SIPA1L3: variants seen among roughly 807,000 people sequenced by gnomAD.
The protein encoded by SIPA1L3 is signal-induced proliferation-associated 1-like protein 3.
SIPA1L3 carries 59 observed loss-of-function variants against 150.1 expected under a neutral mutation model. That is an observed-to-expected ratio of 0.39 (90% CI 0.32 to 0.49). The LOEUF is 0.49. Among genes scored for constraint, SIPA1L3 ranks in the 20% least tolerant of loss-of-function variants. The pLI, the probability that SIPA1L3 is intolerant of heterozygous loss-of-function variation, is 0.86. For synonymous variants in SIPA1L3, 1,070 were observed against 1,077.6 expected (o/e 0.99, Z 0.14); for missense variants, 2,211 against 2,489.5 (o/e 0.89, Z 2.38).
At chr19:37,977,079 CA>C (rs1967094251) in intron 1 of SIPA1L3, among the ~76,000 whole-genome samples, 1 of 151,942 alleles carries the variant, frequency 6.6e-6, no homozygotes, top group Admixed American at 6.6e-5. Flanking sequence ...TCAAGCAGTC[CA>C]CCCACCTGAG....
intron 3 of SIPA1L3, among the ~76,000 whole-genome samples, chr19:38,088,360 G>A (rs561810515): frequency 2.6e-5 from 4 of 152,252 alleles, no homozygotes; most frequent in African/African-American, 7.2e-5. Context: ...GGGATTAATC[G>A]CAGTGATGCT....
intron 13 of SIPA1L3, among the ~76,000 whole-genome samples, chr19:38,161,211 C>T (rs994675050): frequency 1.3e-5 from 2 of 149,662 alleles, no homozygotes; most frequent in Admixed American, 6.7e-5. Flanking sequence ...GCGTGGTGGC[C>T]AGTGCCTGTA....
rs564583626 is a variant in SIPA1L3 at position 37,965,374 on chromosome 19, G to T, written c.-379+58016G>T. Among the ~76,000 whole-genome samples, 10 of 147,040 alleles carry T rather than the reference G, an allele frequency of 6.8e-5. No homozygotes were observed. In the East Asian group the frequency reaches 2.0e-3, roughly 29 times the overall value. Reference sequence around the variant, plus strand: ...CTCTGTTGGCAGGCTGGAGTGCAGTGGCACAATCTTGGCTCACTGTGACCT... The same window carrying T: ...CTCTGTTGGCAGGCTGGAGTGCAGTTGCACAATCTTGGCTCACTGTGACCT... On this transcript the variant is annotated intron_variant, in intron 1 of 21. Coordinates refer to ENST00000222345, the MANE Select transcript of SIPA1L3 (RefSeq NM_015073.3).
chr19:37,970,158 A>G (rs1966897339), intron 1 of SIPA1L3, among the ~76,000 whole-genome samples: 1 of 152,220 alleles, frequency 6.6e-6, no homozygotes, highest in South Asian at 2.1e-4. Flanking sequence ...TCTGGCCGGA[A>G]GTTTTTAAAA....
Position 38,119,357 on chromosome 19 carries a change from C to G in SIPA1L3, c.2343C>G (p.Pro781=). Reference sequence around the variant, plus strand: ...CTCCTCCTTTCGGCCCCCCCATCCCCAGTGGAACCACATTCCGCAAATCCG... The same window carrying G: ...CTCCTCCTTTCGGCCCCCCCATCCCGAGTGGAACCACATTCCGCAAATCCG... ...KDAPPFGPPI[P]SGTTFRKSDV... Residue 781 remains proline, a synonymous_variant, in exon 9 of 22, where the codon CCC becomes CCG. Coordinates refer to ENST00000222345, the MANE Select transcript of SIPA1L3 (RefSeq NM_015073.3). 6.2e-7 allele frequency: 1 copy of G among 1,614,200 alleles called. No individual in the cohort carries two copies. The highest frequency in any genetic ancestry group is 8.5e-7 in the Non-Finnish European group (1 of 1,180,040).
chr19:37,976,198 T>G (rs999485640), intron 1 of SIPA1L3, among the ~76,000 whole-genome samples: 87 of 151,940 alleles, frequency 5.7e-4, no homozygotes, highest in African/African-American at 2.1e-3. Flanking sequence ...ACAGGAGTGT[T>G]CCACCAAACA....
At chr19:38,136,605 A>G (rs983549828) in intron 10 of SIPA1L3, among the ~76,000 whole-genome samples, 1 of 152,134 alleles carries the variant, frequency 6.6e-6, no homozygotes, top group African/African-American at 2.4e-5. Flanking sequence ...CTCCGTCTCA[A>G]AAAAAAATTT....
chr19:37,919,705 CTTTTTT>C (rs10644508), intron 1 of SIPA1L3, among the ~76,000 whole-genome samples: 16 of 84,256 alleles, frequency 1.9e-4, no homozygotes, highest in African/African-American at 8.0e-4. Context: ...GGCCCTGAGG[CTTTTTT>C]TTTTTTTTTT....
rs755041685 is a variant in SIPA1L3 at position 38,152,861 on chromosome 19, C to G, written c.3555C>G (p.Pro1185=). The change falls in exon 13 of 22, where the codon CCC becomes CCG. Residue 1185 remains proline, a synonymous_variant. Coordinates refer to ENST00000222345, the MANE Select transcript of SIPA1L3 (RefSeq NM_015073.3). ...GCAGGTACACGGCTGCCCCACACCCCCTGCTATCTCTTGATCCCCACTTCA... is the reference window on the plus strand; with the variant it reads ...GCAGGTACACGGCTGCCCCACACCCGCTGCTATCTCTTGATCCCCACTTCA... ...SPERYTAAPH[P]LLSLDPHFSH... The G allele has an allele frequency of 9.3e-6, 15 of 1,613,010 alleles. 1 individual carries two copies. The highest frequency in any genetic ancestry group is 5.5e-5 in the South Asian group (5 of 90,724).
chr19:38,015,451 C>T (rs940739620), intron 1 of SIPA1L3, among the ~76,000 whole-genome samples: 1 of 151,964 alleles, frequency 6.6e-6, no homozygotes, highest in East Asian at 1.9e-4. Context: ...TGGCCAGGTA[C>T]GGTGACTCAT....
At chr19:37,973,499 T>C (rs1568484910) in intron 1 of SIPA1L3, among the ~76,000 whole-genome samples, 1 of 119,490 alleles carries the variant, frequency 8.4e-6, no homozygotes, top group African/African-American at 3.3e-5. Context: ...TCTCCCAAAG[T>C]GCTGGGATTA....
At chr19:38,166,075 T>A (rs534096231) in intron 15 of SIPA1L3, among the ~76,000 whole-genome samples, 7 of 152,076 alleles carry the variant, frequency 4.6e-5, no homozygotes, top group African/African-American at 1.7e-4. Flanking sequence ...GAATATGCAT[T>A]AAGTTCTCAG....
At chr19:38,171,086 A>T (rs935225778) in intron 15 of SIPA1L3, among the ~76,000 whole-genome samples, 12 of 152,276 alleles carry the variant, frequency 7.9e-5, no homozygotes, top group African/African-American at 2.9e-4. Context: ...CTCATTCAGA[A>T]GAATGTATAT....
At chr19:37,923,234 G>A (rs572276534) in intron 1 of SIPA1L3, among the ~76,000 whole-genome samples, 2 of 152,248 alleles carry the variant, frequency 1.3e-5, no homozygotes, top group South Asian at 2.1e-4. Context: ...AAGCAGTCAC[G>A]CATGGCTTCA....
chr19:38,206,197 G>A lies in SIPA1L3; in HGVS notation c.5303G>A (p.Arg1768His), dbSNP rs140621640. The change falls in exon 22 of 22, where the codon CGC (arginine) becomes CAC (histidine). Residue 1768 changes from arginine to histidine, a missense_variant. Arg to His is a conservative substitution (Grantham distance 29, BLOSUM62 0). Coordinates refer to ENST00000222345, the MANE Select transcript of SIPA1L3 (RefSeq NM_015073.3). The stretch of plus-strand genomic sequence containing the variant: ...TCGCAGGCCGCCAGCGAGCAGCTGC[G>A]CAAGTTTGCGGAGATCTTCTGCAGG... ...EESQAASEQL[R>H]KFAEIFCREK... 2.2e-5 allele frequency: 34 copies of A among 1,560,954 alleles called. No individual in the cohort carries two copies. In the East Asian group the frequency reaches 3.1e-4, roughly 14 times the overall value.
chr19:37,981,328 G>A (rs1967195914), intron 1 of SIPA1L3, among the ~76,000 whole-genome samples: 1 of 151,850 alleles, frequency 6.6e-6, no homozygotes, highest in Non-Finnish European at 1.5e-5. Flanking sequence ...GGAGGCTGAA[G>A]TGGGAGGATC....
Position 38,145,865 on chromosome 19 carries a change from C to CT in SIPA1L3, c.3533+3167dup, listed in dbSNP as rs372952068. ...TTCACCATTCATCTGTTCTGAGGCTCTTTTTTTTTTTTGGAGACAAAGTCT... is the reference window on the plus strand; with the variant it reads ...TTCACCATTCATCTGTTCTGAGGCTCTTTTTTTTTTTTTGGAGACAAAGTCT... On this transcript the variant is annotated intron_variant, in intron 12 of 21. Coordinates refer to ENST00000222345, the MANE Select transcript of SIPA1L3 (RefSeq NM_015073.3). Among the ~76,000 whole-genome samples the CT allele has an allele frequency of 1.9e-3, 283 of 145,380 alleles. 3 individuals are homozygous for CT. In the East Asian group the frequency reaches 0.032, roughly 16 times the overall value.
chr19:38,134,109 G>A (rs899080962), intron 10 of SIPA1L3, among the ~76,000 whole-genome samples: 3 of 151,562 alleles, frequency 2.0e-5, no homozygotes, highest in Non-Finnish European at 2.9e-5. Flanking sequence ...TCATCCTCCC[G>A]AGTAGCTGGG....
At chr19:37,948,024 G>A (rs1396058317) in intron 1 of SIPA1L3, among the ~76,000 whole-genome samples, 1 of 152,172 alleles carries the variant, frequency 6.6e-6, no homozygotes, top group Non-Finnish European at 1.5e-5. Flanking sequence ...CCTCCACGGG[G>A]CCCTGGCTAG....
Sources: allele counts gnomAD v4.1 joint callset (sites outside exome capture counted in the v4.1 genomes callset), GRCh38; gene constraint gnomAD v4.1.1; transcripts MANE v1.5; gene names NCBI Gene and HGNC (gene_info 2026-07-23, HGNC 2026-07-21).